Variants in CLN8 observed in about 807,000 individuals in gnomAD.
The protein encoded by CLN8 is protein CLN8.
CLN8 carries 14 observed loss-of-function variants against 15.7 expected under a neutral mutation model. The observed-to-expected ratio is 0.89, with a 90% CI of 0.59 to 1.39. The LOEUF is 1.39. CLN8 is among the 40% of genes most tolerant of loss of function. CLN8 has a pLI of 0.00. For synonymous variants in CLN8, 188 were observed against 151.0 expected, an observed-to-expected ratio of 1.25 and a Z score of -1.80; for missense variants, 415 against 364.0, an observed-to-expected ratio of 1.14 and a Z score of -1.14.
Position 1,771,142 on chromosome 8 carries a change from G to A in CLN8, c.88G>A (p.Ala30Thr), listed in dbSNP as rs137852883. ...GGGGATCCGCTCCACGCTGATGGTC[G>A]CTGGCTTTGTCTTCTACTTGGGCGT... is the stretch of plus-strand genomic sequence containing the variant. ...SWGIRSTLMVAGFVFYLGVFV... is the reference protein window; with the variant it reads ...SWGIRSTLMVTGFVFYLGVFV... Residue 30 changes from alanine (A) to threonine (T), a missense_variant, in exon 2 of 3, where the codon GCT (alanine) becomes ACT (threonine). Coordinates refer to ENST00000331222, the MANE Select transcript of CLN8 (RefSeq NM_018941.4). 4 of 1,613,988 alleles carry A rather than the reference G, an allele frequency of 2.5e-6. No individual in the cohort carries two copies. The highest frequency in any genetic ancestry group is 1.6e-4 in the Middle Eastern group (1 of 6,062).
At chr8:1,761,227 C>A (rs2130952492), upstream of CLN8, among the ~76,000 whole-genome samples, 1 of 152,014 alleles carries the variant, frequency 6.6e-6, no homozygotes, top group Middle Eastern at 3.4e-3. Context: ...AACAGGTGAA[C>A]TGCATAGAGA....
Position 1,780,826 on chromosome 8 carries a change from C to A in CLN8, c.*259C>A. The A allele has an allele frequency of 1.8e-6, 1 of 555,780 alleles. No individual in the cohort carries two copies. Among genetic ancestry groups the A allele is most frequent in the Non-Finnish European group, 3.2e-6 (1 of 312,924 alleles). 34.4% of individuals were successfully genotyped at this position (555,780 alleles called of 1,614,324 possible). ...GTGTCAAGCATCTAGGAGAGGAGTC[C>A]ATGGTGTCCAGGCATCGGGGCGTCA... On this transcript the variant is annotated 3_prime_UTR_variant, in exon 3 of 3. Transcript: ENST00000331222.
At chr8:1,776,294 G>C (rs1801512735) in intron 2 of CLN8, among the ~76,000 whole-genome samples, 1 of 152,230 alleles carries the variant, frequency 6.6e-6, no homozygotes, top group Non-Finnish European at 1.5e-5. Flanking sequence ...TAATGCTCCA[G>C]TACACATGTG....
In CLN8 at chr8:1,771,334, G is replaced by A. The variant is rs143918546; in HGVS notation, c.280G>A (p.Asp94Asn). The change falls in exon 2 of 3, where the codon GAC (aspartate) becomes AAC (asparagine). Residue 94 changes from aspartate (D) to asparagine (N), a missense_variant. Coordinates refer to ENST00000331222, the MANE Select transcript of CLN8 (RefSeq NM_018941.4). ...ALLGDPVLHADKARGQQNWCW... is the reference protein window; with the variant it reads ...ALLGDPVLHANKARGQQNWCW... The stretch of plus-strand genomic sequence containing the variant: ...GCTGGGGGACCCTGTGCTGCATGCC[G>A]ACAAGGCGCGTGGCCAGCAGAACTG... 64 of 1,614,044 alleles carry A rather than the reference G, an allele frequency of 4.0e-5. No homozygotes were observed. The highest frequency in any genetic ancestry group is 2.4e-4 in the East Asian group (11 of 44,898).
At chr8:1,768,153 A>T (rs1452937989) in intron 1 of CLN8, among the ~76,000 whole-genome samples, 1 of 151,810 alleles carries the variant, frequency 6.6e-6, no homozygotes, top group Non-Finnish European at 1.5e-5. Context: ...CGTGTTGGCC[A>T]GGTTGGTCTT....
intron 1 of CLN8, among the ~76,000 whole-genome samples, chr8:1,764,896 C>T (rs1800986121): frequency 6.6e-6 from 1 of 152,210 alleles, no homozygotes; most frequent in Admixed American, 6.5e-5. Flanking sequence ...AAATCTGTAA[C>T]TATCCAGCTT....
chr8:1,767,671 AAGCGATTCTCCTGCCTCAGCCTCCCAAGT>A (rs906925472), intron 1 of CLN8, among the ~76,000 whole-genome samples: 10 of 135,206 alleles, frequency 7.4e-5, no homozygotes, highest in African/African-American at 2.8e-4. Context: ...TCCCGGGTTC[AAGCGATTCTCCTGCCTCAGCCTCCCAAGT>A]AGCTGGGATC....
upstream of CLN8, among the ~76,000 whole-genome samples, chr8:1,754,361 G>T (rs1053430665): frequency 2.6e-5 from 4 of 152,062 alleles, no homozygotes; most frequent in Non-Finnish European, 4.4e-5. Flanking sequence ...TTAGATAATC[G>T]CCAGGCACCC....
rs898003972 is a variant in CLN8 at position 1,781,546 on chromosome 8, T to C, written c.*979T>C. The C allele has an allele frequency of 1.3e-5, 2 of 152,038 alleles. No individual in the cohort carries two copies. The highest frequency in any genetic ancestry group is 2.9e-5 in the Non-Finnish European group (2 of 68,004). The allele number at this position is 152,038 out of a possible 1,614,324, so 9.4% of individuals were successfully genotyped here. A position where few individuals can be genotyped will look rare whatever the true frequency, so the allele number is the denominator to read the frequency against. On this transcript the variant is annotated 3_prime_UTR_variant, in exon 3 of 3. Transcript: ENST00000331222. ...ATGAAATCTTGCAAGTTTTTTTTTTTTTTAAATCATGGTACCTGTTTTAAA... is the reference window on the plus strand; with the variant it reads ...ATGAAATCTTGCAAGTTTTTTTTTTCTTTAAATCATGGTACCTGTTTTAAA...
chr8:1,766,669 G>T (rs137934488), intron 1 of CLN8, among the ~76,000 whole-genome samples: 110 of 151,880 alleles, frequency 7.2e-4, no homozygotes, highest in Non-Finnish European at 1.4e-3. Flanking sequence ...GGGATTACAG[G>T]TGTGAGCCAC....
upstream of CLN8, among the ~76,000 whole-genome samples, chr8:1,753,682 G>A (rs1212468753): frequency 1.3e-5 from 2 of 151,248 alleles, no homozygotes; most frequent in African/African-American, 4.9e-5. Context: ...TCAGGAGATC[G>A]AGACCATCCT....
chr8:1,772,216 G>A (rs1306538144), intron 2 of CLN8, among the ~76,000 whole-genome samples: 1 of 152,096 alleles, frequency 6.6e-6, no homozygotes, highest in African/African-American at 2.4e-5. Flanking sequence ...AATTACAAAT[G>A]TGAGCCACCG....
upstream of CLN8, among the ~76,000 whole-genome samples, chr8:1,761,210 T>A (rs1800788829): frequency 6.6e-6 from 1 of 151,770 alleles, no homozygotes. Flanking sequence ...CAGAGCTGAT[T>A]TATCCAAACA....
intron 2 of CLN8, chr8:1,772,896 C>A: frequency 2.5e-6 from 1 of 398,508 alleles, no homozygotes; most frequent in South Asian, 1.3e-4. Context: ...ACAAATGGGT[C>A]ATGTTACTGC....
intron 1 of CLN8, among the ~76,000 whole-genome samples, chr8:1,765,931 C>T (rs539482268): frequency 4.6e-4 from 70 of 152,104 alleles, no homozygotes; most frequent in South Asian, 3.3e-3. Flanking sequence ...TTTTTTTTCC[C>T]TTTTGACGTC....
upstream of CLN8, among the ~76,000 whole-genome samples, chr8:1,753,584 A>AAAG (rs1800601578): frequency 7.1e-6 from 1 of 140,786 alleles, no homozygotes; most frequent in Admixed American, 7.2e-5. Context: ...AAAAAAAAAA[A>AAAG]AGAAAGAAAA....
chr8:1,786,371 G>T lies in CLN8; in HGVS notation c.*5804G>T, dbSNP rs1467004788. 1.3e-5 allele frequency: 2 copies of T among 152,216 alleles called. No individual in the cohort carries two copies. The highest frequency in any genetic ancestry group is 4.8e-5 in the African/African-American group (2 of 41,448). The allele number at this position is 152,216 out of a possible 1,614,324, so 9.4% of individuals were successfully genotyped here. On this transcript the variant is annotated 3_prime_UTR_variant, in exon 3 of 3. Transcript: ENST00000331222. The stretch of plus-strand genomic sequence containing the variant: ...TCACGAATGCATGTTGACGCTTTCA[G>T]TTCACCCCTTTCTTTGCTAACTTTC...
chr8:1,765,870 T>C (rs1801031467), intron 1 of CLN8, among the ~76,000 whole-genome samples: 1 of 152,232 alleles, frequency 6.6e-6, no homozygotes, highest in African/African-American at 2.4e-5. Flanking sequence ...AAGTGATTGT[T>C]GGGGTTGTAA....
At chr8:1,777,019 G>A (rs1801546689) in intron 2 of CLN8, among the ~76,000 whole-genome samples, 1 of 152,190 alleles carries the variant, frequency 6.6e-6, no homozygotes, top group Non-Finnish European at 1.5e-5. Context: ...TTAACGACGG[G>A]CTGTGTTCTG....
Sources: gnomAD v4.1 joint callset for allele counts (sites outside exome capture counted in the v4.1 genomes callset) on GRCh38, gnomAD v4.1.1 for gene constraint, MANE v1.5 for transcripts, NCBI Gene and HGNC (gene_info 2026-07-23, HGNC 2026-07-21) for gene names.